DMD: variants seen among roughly 807,000 people sequenced by gnomAD.
The protein encoded by DMD is mutant dystrophin.
In DMD, 63 loss-of-function variants were observed where a neutral mutation model predicts 330.1. The ratio of observed to expected loss-of-function variants is 0.19; its 90% CI spans 0.16 to 0.24. The LOEUF (loss-of-function observed/expected upper bound fraction) is 0.24. DMD is among the 10% of genes least tolerant of loss of function. The probability of loss-of-function intolerance (pLI) is 1.00; values close to 1 mark genes in which losing one functional copy is unlikely to be tolerated. For missense variants in DMD, 3,344 were observed against 2,684.1 expected (o/e 1.25, Z -5.43); for synonymous variants, 1,223 against 959.8 (o/e 1.27, Z -5.07).
chrX:32,735,197 C>G (rs1411187426), intron 7 of DMD, among the ~76,000 whole-genome samples: 1 of 108,222 alleles, frequency 9.2e-6, no homozygotes, highest in Non-Finnish European at 1.9e-5. Context: ...ACCTAGGAAT[C>G]CAACTTACAA....
At chrX:31,147,036 T>C (rs184954277) in intron 75 of DMD, among the ~76,000 whole-genome samples, 3 of 111,835 alleles carry the variant, frequency 2.7e-5, no homozygotes, top group Admixed American at 1.9e-4. Context: ...CCCCAAGATG[T>C]ATTTCAAATT....
chrX:31,896,186 T>A (rs1052359039), intron 47 of DMD, among the ~76,000 whole-genome samples: 2 of 111,983 alleles, frequency 1.8e-5, no homozygotes, highest in African/African-American at 6.5e-5. Context: ...CTTGGCAGGG[T>A]CTTCCTAAAT....
chrX:31,397,501 CT>C (rs1490266339), intron 60 of DMD, among the ~76,000 whole-genome samples: 1 of 112,271 alleles, frequency 8.9e-6, no homozygotes, highest in Non-Finnish European at 1.9e-5. Context: ...TGTTCGTGGA[CT>C]TTACGGATGG....
chrX:31,581,832 G>GTA (rs1386631551), intron 55 of DMD, among the ~76,000 whole-genome samples: 1 of 112,064 alleles, frequency 8.9e-6, no homozygotes, highest in Non-Finnish European at 1.9e-5. Context: ...CAATGGCAAA[G>GTA]TATAGGTGCT....
At chrX:31,936,689 T>C (rs1287545302) in intron 45 of DMD, among the ~76,000 whole-genome samples, 2 of 111,741 alleles carry the variant, frequency 1.8e-5, no homozygotes, top group East Asian at 5.6e-4. Flanking sequence ...TGATATTATG[T>C]TCATTGATAG....
intron 50 of DMD, among the ~76,000 whole-genome samples, chrX:31,785,685 G>A (rs931567138): frequency 1.8e-5 from 2 of 110,096 alleles, no homozygotes; most frequent in Admixed American, 1.9e-4. Context: ...CCACTTATGA[G>A]TGAGAACATG....
rs1569563084 is a variant in DMD at position 32,452,298 on chromosome X, GGAAAGGGAAAGTGAAAGT to G, written c.3603+2346_3603+2363del. 4.2e-3 allele frequency among the ~76,000 whole-genome samples: 74 copies of G among 17,687 alleles called. 11 individuals are homozygous for G. In the South Asian group the frequency reaches 0.057, roughly 14 times the overall value. The allele number at this position is 17,687 out of a possible 115,157, so 15.4% of individuals were successfully genotyped here. ...CAATGGAAAAGAAAGGAAAGGAAAA[GGAAAGGGAAAGTGAAAGT>G]GAAAGTGAAAGTGAAAGTGAAAGGG... On this transcript the variant is annotated intron_variant, in intron 26 of 78. Transcript: ENST00000357033.
At chrX:32,371,112 T>G (rs1412861767) in intron 34 of DMD, among the ~76,000 whole-genome samples, 1 of 111,527 alleles carries the variant, frequency 9.0e-6, no homozygotes, top group Non-Finnish European at 1.9e-5. Flanking sequence ...AGATGCATTC[T>G]GAGTTTTTAT....
intron 21 of DMD, among the ~76,000 whole-genome samples, chrX:32,483,939 G>A (rs1366692998): frequency 9.2e-6 from 1 of 108,613 alleles, no homozygotes; most frequent in African/African-American, 3.3e-5. Flanking sequence ...CATTAATTCT[G>A]GAAATGATAT....
At chrX:32,823,213 C>T (rs2078420316) in intron 5 of DMD, 82 bp downstream of exon 5, 1 of 780,675 alleles carries the variant, frequency 1.3e-6, no homozygotes, top group East Asian at 3.2e-5. Context: ...TAGAAATACA[C>T]ATTTGTTTCA....
At position 32,454,697 on chromosome X, in the gene DMD, G is replaced by C; in HGVS notation, c.3568C>G (p.Pro1190Ala). 1 of 1,188,600 alleles carries C rather than the reference G, an allele frequency of 8.4e-7. No homozygotes were observed. Among genetic ancestry groups the C allele is most frequent in the Non-Finnish European group, 1.1e-6 (1 of 885,233 alleles). Reference sequence around the variant, plus strand: ...TCAACTGCTTTCTGTAATTCATCTGGAGTTTTATATTCAAAATCTCTCTCA... The same window carrying C: ...TCAACTGCTTTCTGTAATTCATCTGCAGTTTTATATTCAAAATCTCTCTCA... Reference protein sequence around the residue: ...YLERDFEYKTPDELQKAVEEM... With the variant: ...YLERDFEYKTADELQKAVEEM... Residue 1190 changes from proline (P) to alanine (A), a missense_variant, in exon 26 of 79, where the codon CCA becomes GCA. Pro to Ala is a conservative substitution (Grantham distance 27). Transcript: ENST00000357033.
chrX:32,324,589 C>T (rs1455176303), intron 41 of DMD, among the ~76,000 whole-genome samples: 3 of 111,368 alleles, frequency 2.7e-5, no homozygotes, highest in Non-Finnish European at 5.7e-5. Flanking sequence ...CACTTCTTCC[C>T]AAAGCACAGT....
At chrX:31,254,118 C>T (rs144713324) in intron 63 of DMD, among the ~76,000 whole-genome samples, 1,446 of 111,970 alleles carry the variant, frequency 0.013, 10 homozygotes, top group Non-Finnish European at 0.021. Flanking sequence ...CCAGAACATA[C>T]GGTGCATCTA....
intron 71 of DMD, among the ~76,000 whole-genome samples, chrX:31,177,470 A>G (rs909414137): frequency 9.0e-6 from 1 of 111,583 alleles, no homozygotes; most frequent in Non-Finnish European, 1.9e-5. Flanking sequence ...ATACTTTAAA[A>G]CGAATTCTGC....
At chrX:32,561,190 GGAT>G (rs747054363) in intron 16 of DMD, among the ~76,000 whole-genome samples, 168 of 111,541 alleles carry the variant, frequency 1.5e-3, no homozygotes, top group African/African-American at 5.0e-3. Flanking sequence ...CTTCAAAGGT[GGAT>G]AATAACAAAC....
At chrX:31,467,109 A>C (rs1183435300) in intron 59 of DMD, among the ~76,000 whole-genome samples, 1 of 111,825 alleles carries the variant, frequency 8.9e-6, no homozygotes, top group Non-Finnish European at 1.9e-5. Context: ...GTCAGCTGCA[A>C]ACAGAGACAA....
chrX:31,325,499 A>G (rs750351858), intron 61 of DMD, among the ~76,000 whole-genome samples: 70 of 106,744 alleles, frequency 6.6e-4, no homozygotes, highest in African/African-American at 2.4e-3. Flanking sequence ...CTGTAATCCC[A>G]GCTACTCGGG....
intron 43 of DMD, among the ~76,000 whole-genome samples, chrX:32,251,900 T>C (rs948361561): frequency 6.3e-5 from 7 of 110,866 alleles, no homozygotes; most frequent in Non-Finnish European, 1.3e-4. Flanking sequence ...AGGAGGGTGA[T>C]ATGGGAGGAT....
At chrX:31,933,854 T>C (rs1340974390) in intron 45 of DMD, among the ~76,000 whole-genome samples, 1 of 112,052 alleles carries the variant, frequency 8.9e-6, no homozygotes, top group Non-Finnish European at 1.9e-5. Flanking sequence ...CCATGTTGCA[T>C]ATAATTTTAG....
Sources: gnomAD v4.1 joint callset for allele counts (sites outside exome capture counted in the v4.1 genomes callset) on GRCh38, gnomAD v4.1.1 for gene constraint, MANE v1.5 for transcripts, NCBI Gene and HGNC (gene_info 2026-07-23, HGNC 2026-07-21) for gene names.